Variants in C3orf52 observed in about 807,000 individuals in gnomAD.
The protein encoded by C3orf52 is chromosome 3 open reading frame 52.
Under a neutral mutation model 24.8 loss-of-function variants are expected in C3orf52, and 22 were observed. That is an observed-to-expected ratio of 0.89 (90% CI 0.63 to 1.27). C3orf52 has a LOEUF of 1.27. C3orf52 is among the 50% of genes most tolerant of loss of function. The pLI is 0.00. For missense variants in C3orf52, 265 were observed against 260.7 expected, an observed-to-expected ratio of 1.02 and a Z score of -0.11; for synonymous variants, 93 against 100.2, an observed-to-expected ratio of 0.93 and a Z score of 0.43.
At chr3:112,125,271 C>T (rs746133071) in intron 4 of C3orf52, 1 of 1,546,838 alleles carries the variant, frequency 6.5e-7, no homozygotes, top group Non-Finnish European at 8.9e-7. Flanking sequence ...AAAGAAAATA[C>T]ACTCAATGAA....
chr3:112,116,613 A>G lies in C3orf52; in HGVS notation c.650-29A>G, dbSNP rs2074135232. 2.6e-6 allele frequency: 4 copies of G among 1,517,222 alleles called. 1 individual carries two copies. Among genetic ancestry groups the G allele is most frequent in the Middle Eastern group, 3.5e-4 (2 of 5,732 alleles). The allele number at this position is 1,517,222 out of a possible 1,614,324, so 94.0% of individuals were successfully genotyped here. A position where few individuals can be genotyped will look rare whatever the true frequency, so the allele number is the denominator to read the frequency against. On this transcript the variant is annotated intron_variant, in intron 5 of 5. Transcript: ENST00000264848. ...TTAATAGTGGTTTTAAAAATCAGTA[A>G]CTTTTGTTCATCTGTGTTTTCTTTT...
chr3:112,130,843 A>C (rs902599535), downstream of C3orf52: 1 of 348,820 alleles, frequency 2.9e-6, no homozygotes, highest in Non-Finnish European at 5.5e-6. Flanking sequence ...TGAGGTCCTC[A>C]GCTACCATCT....
rs1300894093 is a variant in C3orf52, at chr3:112,113,110, G to T, written c.614G>T (p.Ser205Ile). Residue 205 changes from serine (S) to isoleucine (I), a missense_variant, in exon 5 of 6, where the codon AGT becomes ATT. Coordinates refer to ENST00000264848, the MANE Select transcript of C3orf52 (RefSeq NM_024616.3). ...GATCAGAATATACCTGGTTGTGAGA[G>T]TCTGGGGCTTGATCCAACATCCCTC... ...FRDQNIPGCE[S>I]LGLDPTSLLL... 3 of 1,610,758 alleles carry T rather than the reference G, an allele frequency of 1.9e-6. No homozygotes were observed. The highest frequency in any genetic ancestry group is 2.7e-5 in the African/African-American group (2 of 74,892).
At chr3:112,103,179 C>T (rs1375390847) in intron 3 of C3orf52, among the ~76,000 whole-genome samples, 7 of 151,890 alleles carry the variant, frequency 4.6e-5, no homozygotes, top group Non-Finnish European at 1.0e-4. Context: ...CACATGGACA[C>T]GAAGAGAGGA....
intron 2 of C3orf52, among the ~76,000 whole-genome samples, chr3:112,094,499 C>T (rs1167155291): frequency 6.6e-6 from 1 of 152,036 alleles, no homozygotes; most frequent in Non-Finnish European, 1.5e-5. Flanking sequence ...GTCATATTTT[C>T]TTCTAGTCTT....
chr3:112,096,137 C>T (rs779429208), intron 2 of C3orf52, among the ~76,000 whole-genome samples: 4 of 152,176 alleles, frequency 2.6e-5, no homozygotes, highest in Non-Finnish European at 5.9e-5. Flanking sequence ...GCTCTGTAGT[C>T]TTCAGACTGA....
downstream of C3orf52, chr3:112,121,406 A>G (rs1358958851): frequency 1.3e-5 from 2 of 152,128 alleles, no homozygotes; most frequent in Non-Finnish European, 2.9e-5. Context: ...CTTTGATATC[A>G]TTTATTCGGC....
chr3:112,125,100 C>T, intron 4 of C3orf52: 1 of 711,882 alleles, frequency 1.4e-6, no homozygotes, highest in South Asian at 1.6e-5. Flanking sequence ...TTCACAAGCA[C>T]TGACATCTAA....
intron 3 of C3orf52, among the ~76,000 whole-genome samples, chr3:112,104,192 G>A (rs1033593233): frequency 2.0e-5 from 3 of 152,100 alleles, no homozygotes; most frequent in Admixed American, 6.6e-5. Flanking sequence ...GATGGATGGC[G>A]GTGTCAGTCA....
chr3:112,103,004 A>G (rs1393600268), intron 3 of C3orf52, 39 bp downstream of exon 3: 1 of 1,596,368 alleles, frequency 6.3e-7, no homozygotes, highest in Non-Finnish European at 8.6e-7. Flanking sequence ...AGTTCTTGAC[A>G]TTAGAATATG....
chr3:112,089,248 G>A (rs1029648101), intron 1 of C3orf52, among the ~76,000 whole-genome samples: 18 of 152,254 alleles, frequency 1.2e-4, no homozygotes, highest in African/African-American at 4.1e-4. Flanking sequence ...ATTTCAGGCC[G>A]GGTACAGCGG....
At chr3:112,098,696 G>A (rs2073946906) in intron 2 of C3orf52, among the ~76,000 whole-genome samples, 1 of 152,152 alleles carries the variant, frequency 6.6e-6, no homozygotes, top group Non-Finnish European at 1.5e-5. Context: ...TGGAGGCTGG[G>A]AACTCCAAGA....
intron 2 of C3orf52, among the ~76,000 whole-genome samples, chr3:112,098,798 G>C (rs945662901): frequency 6.6e-6 from 1 of 152,036 alleles, no homozygotes; most frequent in African/African-American, 2.4e-5. Context: ...TGGTATAAGG[G>C]GAAAGGCAGC....
chr3:112,127,101 A>C, intron 4 of C3orf52: 16 of 996,422 alleles, frequency 1.6e-5, no homozygotes, highest in Non-Finnish European at 2.2e-5. Flanking sequence ...ACACAAGCCT[A>C]CAAAACTTAC....
intron 1 of C3orf52, among the ~76,000 whole-genome samples, chr3:112,089,662 C>T (rs2107773123): frequency 6.6e-6 from 1 of 152,136 alleles, no homozygotes; most frequent in Admixed American, 6.5e-5. Context: ...GGATTAAATC[C>T]CACAATGAGT....
intron 5 of C3orf52, among the ~76,000 whole-genome samples, chr3:112,114,383 T>C (rs1360637889): frequency 6.7e-6 from 1 of 149,606 alleles, no homozygotes; most frequent in Non-Finnish European, 1.5e-5. Flanking sequence ...AGTGAAGAGA[T>C]TGTGCCCCAG....
chr3:112,092,663 T>A (rs924884681), intron 1 of C3orf52, among the ~76,000 whole-genome samples: 14 of 152,238 alleles, frequency 9.2e-5, no homozygotes, highest in African/African-American at 3.1e-4. Flanking sequence ...CAATAAACCA[T>A]AGCAGTTGTA....
intron 2 of C3orf52, among the ~76,000 whole-genome samples, chr3:112,098,824 T>C (rs1428893100): frequency 6.6e-6 from 1 of 152,148 alleles, no homozygotes; most frequent in Non-Finnish European, 1.5e-5. Flanking sequence ...GGGCCTCTTT[T>C]ATAAGGGCAC....
intron 2 of C3orf52, among the ~76,000 whole-genome samples, chr3:112,099,794 A>G (rs894196583): frequency 2.0e-5 from 3 of 152,046 alleles, no homozygotes; most frequent in East Asian, 1.9e-4. Flanking sequence ...ATAATGGCCA[A>G]ATCTTACCAG....
Sources: gnomAD v4.1 joint callset for allele counts (sites outside exome capture counted in the v4.1 genomes callset) on GRCh38, gnomAD v4.1.1 for gene constraint, MANE v1.5 for transcripts, NCBI Gene and HGNC (gene_info 2026-07-23, HGNC 2026-07-21) for gene names.